GNG2: variants seen among roughly 807,000 people sequenced by gnomAD.
The protein encoded by GNG2 is guanine nucleotide-binding protein G(I)/G(S)/G(O) subunit gamma-2.
GNG2 carries 5 observed loss-of-function variants against 5.5 expected under a neutral mutation model. That is an observed-to-expected ratio of 0.91 (90% CI 0.48 to 1.92). GNG2 has a LOEUF of 1.92. GNG2 is among the 30% of genes most tolerant of loss of function. The probability of loss-of-function intolerance (pLI) is 0.01; values close to 1 mark genes in which losing one functional copy is unlikely to be tolerated. For missense variants in GNG2, 55 were observed against 88.4 expected (o/e 0.62, Z 1.52); for synonymous variants, 28 against 32.0 (o/e 0.88, Z 0.42).
chr14:51,958,034 T>C (rs1889372204), intron 3 of GNG2, among the ~76,000 whole-genome samples: 1 of 152,136 alleles, frequency 6.6e-6, no homozygotes, highest in Non-Finnish European at 1.5e-5. Flanking sequence ...ACCTATTTGT[T>C]TTCTTTTTGA....
chr14:51,908,714 C>A (rs913248839), intron 2 of GNG2, among the ~76,000 whole-genome samples: 10 of 149,720 alleles, frequency 6.7e-5, no homozygotes, highest in Non-Finnish European at 1.5e-4. Context: ...GGATTACAGG[C>A]GTGCGCCACC....
At chr14:51,872,395 T>C (rs1566656225) in intron 1 of GNG2, among the ~76,000 whole-genome samples, 1 of 152,158 alleles carries the variant, frequency 6.6e-6, no homozygotes, top group Admixed American at 6.5e-5. Context: ...AAATTCCACT[T>C]ACATTTCTTT....
chr14:51,945,066 A>C (rs1482911864), intron 2 of GNG2, among the ~76,000 whole-genome samples: 3 of 152,114 alleles, frequency 2.0e-5, no homozygotes, highest in Admixed American at 6.5e-5. Context: ...GCAAATAAAA[A>C]CCAAAGTGAG....
chr14:51,943,102 G>A (rs1449160354), intron 2 of GNG2, among the ~76,000 whole-genome samples: 1 of 152,134 alleles, frequency 6.6e-6, no homozygotes, highest in Admixed American at 6.6e-5. Context: ...CCTCTGGGGT[G>A]GTCCTCTGGC....
chr14:51,859,148 G>A (rs978932615), upstream of GNG2, among the ~76,000 whole-genome samples: 1 of 152,246 alleles, frequency 6.6e-6, no homozygotes, highest in African/African-American at 2.4e-5. Flanking sequence ...GGAGGAGTTG[G>A]GGAATTAACT....
intron 2 of GNG2, among the ~76,000 whole-genome samples, chr14:51,948,165 T>C (rs1206295300): frequency 1.3e-5 from 2 of 152,222 alleles, no homozygotes; most frequent in Non-Finnish European, 2.9e-5. Flanking sequence ...GTCATGTAAC[T>C]ATACCTAGCT....
intron 2 of GNG2, among the ~76,000 whole-genome samples, chr14:51,908,668 C>A (rs201849347): frequency 1.7e-5 from 1 of 60,538 alleles, no homozygotes; most frequent in African/African-American, 3.7e-5. Flanking sequence ...CTCCTGGGTT[C>A]AAGCAATTCT....
chr14:51,831,061 C>G (rs552784403), intron 2 of GNG2, among the ~76,000 whole-genome samples: 1 of 152,312 alleles, frequency 6.6e-6, no homozygotes, highest in Admixed American at 6.5e-5. Flanking sequence ...GCCTCAAGTC[C>G]TTTGTATACT....
intron 2 of GNG2, among the ~76,000 whole-genome samples, chr14:51,829,214 C>A (rs533999520): frequency 2.0e-5 from 3 of 152,260 alleles, no homozygotes; most frequent in Non-Finnish European, 2.9e-5. Flanking sequence ...TGTCCACTCC[C>A]AGGTGTATAG....
At chr14:51,835,451 C>G (rs1214176920) in intron 2 of GNG2, among the ~76,000 whole-genome samples, 6 of 152,212 alleles carry the variant, frequency 3.9e-5, no homozygotes, top group African/African-American at 7.2e-5. Flanking sequence ...AATAAGATAG[C>G]TGTTTGCAAA....
chr14:51,940,291 G>A (rs954865018), intron 2 of GNG2: 1 of 152,314 alleles, frequency 6.6e-6, no homozygotes, highest in Non-Finnish European at 1.5e-5. Flanking sequence ...CTCTGTGTCT[G>A]GCCCCGCTGT....
At chr14:51,959,672 G>A (rs372850591) in intron 3 of GNG2, among the ~76,000 whole-genome samples, 1 of 38,312 alleles carries the variant, frequency 2.6e-5, no homozygotes, top group African/African-American at 6.9e-5. Flanking sequence ...TCGTTAGAAT[G>A]TAAGTCAATG....
rs2140312248 is a variant in GNG2, at chr14:51,966,690, C to T, written c.*3C>T. ...AGTTTTTCTGTGCCATCCTTTAAGTCTTTGAGAGGGGCCTGAAGAGCCTCC... is the reference window on the plus strand; with the variant it reads ...AGTTTTTCTGTGCCATCCTTTAAGTTTTTGAGAGGGGCCTGAAGAGCCTCC... On this transcript the variant is annotated 3_prime_UTR_variant, in exon 4 of 4. Transcript: ENST00000556766. 6.2e-7 allele frequency: 1 copy of T among 1,613,602 alleles called. No individual in the cohort carries two copies. Among genetic ancestry groups the T allele is most frequent in the Non-Finnish European group, 8.5e-7 (1 of 1,179,590 alleles).
intron 2 of GNG2, among the ~76,000 whole-genome samples, chr14:51,942,634 G>C (rs1394017907): frequency 5.6e-5 from 3 of 53,504 alleles, no homozygotes; most frequent in African/African-American, 2.2e-4. Flanking sequence ...GTGTTGCCCA[G>C]GCTGGATTCA....
At chr14:51,834,971 C>G (rs1329032630) in intron 2 of GNG2, among the ~76,000 whole-genome samples, 1 of 152,130 alleles carries the variant, frequency 6.6e-6, no homozygotes, top group African/African-American at 2.4e-5. Flanking sequence ...GCTAAAAGAG[C>G]CGAGGGCTCT....
intron 3 of GNG2, among the ~76,000 whole-genome samples, chr14:51,951,408 C>T (rs1888969160): frequency 6.6e-6 from 1 of 152,156 alleles, no homozygotes; most frequent in South Asian, 2.1e-4. Flanking sequence ...TCAAACCCTT[C>T]GTTGGTAGTT....
intron 2 of GNG2, among the ~76,000 whole-genome samples, chr14:51,886,328 T>A (rs1884457386): frequency 6.6e-6 from 1 of 152,218 alleles, no homozygotes; most frequent in African/African-American, 2.4e-5. Context: ...GGTGTGAGGC[T>A]GAATGGATGC....
At position 51,963,170 on chromosome 14, in the gene GNG2, T is replaced by C. The variant is rs563833110; in HGVS notation, c.88-3389T>C. Among the ~76,000 whole-genome samples the C allele has an allele frequency of 7.9e-5, 12 of 152,318 alleles. No homozygotes were observed. The South Asian group carries it at 2.5e-3, about 32-fold the overall frequency. On this transcript the variant is annotated intron_variant, in intron 3 of 3. Coordinates refer to ENST00000556766, the MANE Select transcript of GNG2 (RefSeq NM_053064.5). ...CTGTTGGAGCATTGCCCACAGGAGA[T>C]TGCAGTCTTGTTGAGGAAACAAGAT...
intron 2 of GNG2, among the ~76,000 whole-genome samples, chr14:51,848,136 A>G (rs555802054): frequency 3.0e-4 from 46 of 152,112 alleles, no homozygotes; most frequent in African/African-American, 1.0e-3. Flanking sequence ...CCAAGTCAGC[A>G]GCAAATTCTT....
Sources: gnomAD v4.1 joint callset for allele counts (sites outside exome capture counted in the v4.1 genomes callset) on GRCh38, gnomAD v4.1.1 for gene constraint, MANE v1.5 for transcripts, NCBI Gene and HGNC (gene_info 2026-07-23, HGNC 2026-07-21) for gene names.